The following TRIM49D1 variants were observed in gnomAD, a reference collection of about 807,000 sequenced individuals.
The protein encoded by TRIM49D1 is tripartite motif-containing protein 49D.
chr11:89,911,969 GT>G lies in TRIM49D1; in HGVS notation c.976del (p.Thr326GlnfsTer84), dbSNP rs1786581805. On this transcript the variant is annotated frameshift_variant, in exon 8 of 8. Coordinates refer to ENST00000420869, the MANE Select transcript of TRIM49D1 (RefSeq NM_001384911.1). LOFTEE classifies it high-confidence loss of function. ...QNAPHITATP[T>X]SFLAWGAQTF... The stretch of plus-strand genomic sequence containing the variant: ...CTGAGCACCCCATGCAAGAAAACTT[GT>G]AGGTGTTGCAGTGATATGGGGCGCA... 2 of 1,105,262 alleles carry G rather than the reference GT, an allele frequency of 1.8e-6. No homozygotes were observed. Among genetic ancestry groups the G allele is most frequent in the Admixed American group, 3.9e-5 (1 of 25,500 alleles). 68.5% of individuals were successfully genotyped at this position (1,105,262 alleles called of 1,614,324 possible). A position where few individuals can be genotyped will look rare whatever the true frequency, so the allele number is the denominator to read the frequency against.
In TRIM49D1 at chr11:89,922,077, T is replaced by A. The variant is rs1166825648; in HGVS notation, c.-441A>T. Among the ~76,000 whole-genome samples, 1 of 152,026 alleles carries A rather than the reference T, an allele frequency of 6.6e-6. No individual in the cohort carries two copies. The highest frequency in any genetic ancestry group is 1.5e-5 in the Non-Finnish European group (1 of 68,038). ...ATGTTTTTGTTTGCTTTGTCAAAGATCAGTTGGTTGTTAAGTATTTGGGTT... is the reference window on the plus strand; with the variant it reads ...ATGTTTTTGTTTGCTTTGTCAAAGAACAGTTGGTTGTTAAGTATTTGGGTT... On this transcript the variant is annotated 5_prime_UTR_variant, in exon 1 of 8. Coordinates refer to ENST00000420869, the MANE Select transcript of TRIM49D1 (RefSeq NM_001384911.1).
Position 89,921,369 on chromosome 11 carries a change from T to A in TRIM49D1, c.-216+483A>T, listed in dbSNP as rs529047493. Among the ~76,000 whole-genome samples, 6 of 152,160 alleles carry A rather than the reference T, an allele frequency of 3.9e-5. No individual in the cohort carries two copies. In the South Asian group the frequency reaches 1.3e-3, roughly 32 times the overall value. ...AAATGATAGGGATGGATTATATTTT[T>A]CTTTCTATAACAAATATTTTTGTTG... On this transcript the variant is annotated intron_variant, in intron 1 of 7. Transcript: ENST00000420869.
intron 1 of TRIM49D1, chr11:89,921,497 A>G (rs769444989): frequency 6.6e-6 from 1 of 152,060 alleles, no homozygotes; most frequent in Non-Finnish European, 1.5e-5. Flanking sequence ...ACTTATATTC[A>G]AGAGTGTCAG....
rs769567990 is a variant in TRIM49D1, at chr11:89,922,180, A to C, written c.-544T>G. Among the ~76,000 whole-genome samples, 1 of 151,944 alleles carries C rather than the reference A, an allele frequency of 6.6e-6. No homozygotes were observed. The highest frequency in any genetic ancestry group is 2.1e-4 in the South Asian group (1 of 4,810). ...CAGTACCATGCTGTTTTGGTGATGA[A>C]TAAAGGCCTGGAGTATGGGGATGTA... On this transcript the variant is annotated 5_prime_UTR_variant, in exon 1 of 8. Transcript: ENST00000420869.
intron 2 of TRIM49D1, 64 bp downstream of exon 2, chr11:89,920,235 C>T (rs1353585433): frequency 1.2e-4 from 3 of 25,228 alleles, no homozygotes; most frequent in Non-Finnish European, 1.3e-4. Context: ...ATATTTTTAA[C>T]ACTCTAATTT....
At position 89,922,167 on chromosome 11, in the gene TRIM49D1, G is replaced by A. The variant is rs1950338644; in HGVS notation, c.-531C>T. ...CCTATTTTTGTACCAGTACCATGCTGTTTTGGTGATGAATAAAGGCCTGGA... is the reference window on the plus strand; with the variant it reads ...CCTATTTTTGTACCAGTACCATGCTATTTTGGTGATGAATAAAGGCCTGGA... On this transcript the variant is annotated 5_prime_UTR_variant, in exon 1 of 8. Coordinates refer to ENST00000420869, the MANE Select transcript of TRIM49D1 (RefSeq NM_001384911.1). 6.6e-6 allele frequency among the ~76,000 whole-genome samples: 1 copy of A among 151,956 alleles called. No individual in the cohort carries two copies. Among genetic ancestry groups the A allele is most frequent in the African/African-American group, 2.4e-5 (1 of 41,292 alleles).
At chr11:89,920,566 GTAT>G in intron 1 of TRIM49D1, 57 bp from the exon 2 acceptor site, 1 of 259,486 alleles carries the variant, frequency 3.9e-6, no homozygotes, top group Non-Finnish European at 7.3e-6. Context: ...GGTTTATGCA[GTAT>G]TTAGATCGCA....
chr11:89,912,824 TTCCCCAA>T, intron 7 of TRIM49D1, among the ~76,000 whole-genome samples: 1 of 4,918 alleles, frequency 2.0e-4, no homozygotes, highest in African/African-American at 8.3e-4. Context: ...GTGAACTATA[TTCCCCAA>T]AAGAACAGTT....
rs1950337737 is a variant in TRIM49D1 at position 89,922,073 on chromosome 11, A to G, written c.-437T>C. On this transcript the variant is annotated 5_prime_UTR_variant, in exon 1 of 8. Coordinates refer to ENST00000420869, the MANE Select transcript of TRIM49D1 (RefSeq NM_001384911.1). ...CTTTATGTTTTTGTTTGCTTTGTCA[A>G]AGATCAGTTGGTTGTTAAGTATTTG... is the stretch of plus-strand genomic sequence containing the variant. Among the ~76,000 whole-genome samples the G allele has an allele frequency of 6.6e-6, 1 of 151,940 alleles. No homozygotes were observed. Among genetic ancestry groups the G allele is most frequent in the South Asian group, 2.1e-4 (1 of 4,792 alleles).
chr11:89,912,309 A>G lies in TRIM49D1; in HGVS notation c.860-223T>C, dbSNP rs979317302. Among the ~76,000 whole-genome samples, 276 of 148,802 alleles carry G rather than the reference A, an allele frequency of 1.9e-3. 14 individuals are homozygous for G. The highest frequency in any genetic ancestry group is 6.1e-3 in the African/African-American group (254 of 41,402). ...AAGACAGACAAAACGCTAACCACAG[A>G]TATTAAAGATGTTTTGAAAACTTAC... On this transcript the variant is annotated intron_variant, in intron 7 of 7. Coordinates refer to ENST00000420869, the MANE Select transcript of TRIM49D1 (RefSeq NM_001384911.1).
intron 1 of TRIM49D1, 92 bp downstream of exon 1, chr11:89,921,760 G>GAAGATTACAGTCCCATTCGCTATTTT (rs1950335881): frequency 6.6e-6 from 1 of 152,034 alleles, no homozygotes; most frequent in Non-Finnish European, 1.5e-5. Flanking sequence ...GGGGCAACTG[G>GAAGATTACAGTCCCATTCGCTATTTT]AAGATTACAG....
intron 1 of TRIM49D1, among the ~76,000 whole-genome samples, 133 bp from the exon 2 acceptor site, chr11:89,920,642 T>G (rs1950326183): frequency 6.6e-6 from 1 of 152,104 alleles, no homozygotes; most frequent in Non-Finnish European, 1.5e-5. Flanking sequence ...ATGAATCATA[T>G]GTAACATAAA....
rs1950325059 is a variant in TRIM49D1, at chr11:89,920,523, G to T, written c.-215-14C>A. On this transcript the variant is annotated splice_polypyrimidine_tract_variant and intron_variant, in intron 1 of 7. Coordinates refer to ENST00000420869, the MANE Select transcript of TRIM49D1 (RefSeq NM_001384911.1). Reference sequence around the variant, plus strand: ...CCACACCCACCTCTTTAAGTGGGTGGAGTATTGAGAAAGGTTGAGAATAAG... The same window carrying T: ...CCACACCCACCTCTTTAAGTGGGTGTAGTATTGAGAAAGGTTGAGAATAAG... 1 of 158,172 alleles carries T rather than the reference G, an allele frequency of 6.3e-6. No individual in the cohort carries two copies. Among genetic ancestry groups the T allele is most frequent in the South Asian group, 2.1e-4 (1 of 4,826 alleles). The allele number at this position is 158,172 out of a possible 1,614,324, so 9.8% of individuals were successfully genotyped here. A position where few individuals can be genotyped will look rare whatever the true frequency, so the allele number is the denominator to read the frequency against.
At chr11:89,920,980 C>T (rs2134744111) in intron 1 of TRIM49D1, among the ~76,000 whole-genome samples, 1 of 152,208 alleles carries the variant, frequency 6.6e-6, no homozygotes. Flanking sequence ...TCAAGTAATC[C>T]TCTGGTCTTG....
chr11:89,921,009 GAGTAC>G (rs1263200272), intron 1 of TRIM49D1, among the ~76,000 whole-genome samples: 1 of 152,056 alleles, frequency 6.6e-6, no homozygotes, highest in African/African-American at 2.4e-5. Flanking sequence ...AAATGCTTGG[GAGTAC>G]AGGCATAAAC....
rs762287273 is a variant in TRIM49D1, at chr11:89,922,145, A to T, written c.-509T>A. ...TTCTGTTCCACTGGTCTATGTGCCT[A>T]TTTTTGTACCAGTACCATGCTGTTT... On this transcript the variant is annotated 5_prime_UTR_variant, in exon 1 of 8. The change abolishes the stop of an existing upstream ORF in the 5' untranslated region. Transcript: ENST00000420869. Among the ~76,000 whole-genome samples, 1 of 151,942 alleles carries T rather than the reference A, an allele frequency of 6.6e-6. No homozygotes were observed. The highest frequency in any genetic ancestry group is 2.1e-4 in the South Asian group (1 of 4,794).
At position 89,912,104 on chromosome 11, in the gene TRIM49D1, AAATAAAT is replaced by A; in HGVS notation, c.860-25_860-19del. ...AATATCCACTGCAAAATAAATAAATAAATAAATAAATAAATAAATAAATAAATAGAAA... is the reference window on the plus strand; with the variant it reads ...AATATCCACTGCAAAATAAATAAATAAAATAAATAAATAAATAAATAGAAA... On this transcript the variant is annotated intron_variant, in intron 7 of 7. Coordinates refer to ENST00000420869, the MANE Select transcript of TRIM49D1 (RefSeq NM_001384911.1). 1 of 1,305,096 alleles carries A rather than the reference AAATAAAT, an allele frequency of 7.7e-7. No individual in the cohort carries two copies. The highest frequency in any genetic ancestry group is 3.0e-5 in the East Asian group (1 of 32,972). The allele number at this position is 1,305,096 out of a possible 1,614,324, so 80.8% of individuals were successfully genotyped here.
rs1296123419 is a variant in TRIM49D1 at position 89,920,384 on chromosome 11, G to A, written c.-90C>T. 7 of 204,806 alleles carry A rather than the reference G, an allele frequency of 3.4e-5. No individual in the cohort carries two copies. The East Asian group carries it at 6.2e-4, about 18-fold the overall frequency. 12.7% of individuals were successfully genotyped at this position (204,806 alleles called of 1,614,324 possible). On this transcript the variant is annotated 5_prime_UTR_variant, in exon 2 of 8. Coordinates refer to ENST00000420869, the MANE Select transcript of TRIM49D1 (RefSeq NM_001384911.1). Reference sequence around the variant, plus strand: ...CCTCAAGGTCAGGAGCTCATTCGCCGCAGTACTGAGTTTCAGAGGTCACCA... The same window carrying A: ...CCTCAAGGTCAGGAGCTCATTCGCCACAGTACTGAGTTTCAGAGGTCACCA...
In TRIM49D1 at chr11:89,920,654, C is replaced by A. The variant is rs754232176; in HGVS notation, c.-215-145G>T. Among the ~76,000 whole-genome samples the A allele has an allele frequency of 8.9e-4, 136 of 152,140 alleles. 1 individual carries two copies. The highest frequency in any genetic ancestry group is 1.2e-3 in the Non-Finnish European group (80 of 68,018). On this transcript the variant is annotated intron_variant, in intron 1 of 7. Coordinates refer to ENST00000420869, the MANE Select transcript of TRIM49D1 (RefSeq NM_001384911.1). ...TAAATGAATCATATGTAACATAAAT[C>A]CTATCAGATTTGACATACACTGGAA...
Sources: allele counts gnomAD v4.1 joint callset (sites outside exome capture counted in the v4.1 genomes callset), GRCh38; gene constraint gnomAD v4.1.1; transcripts MANE v1.5; gene names NCBI Gene and HGNC (gene_info 2026-07-23, HGNC 2026-07-21).